Variants in NRG1 observed in about 807,000 individuals in gnomAD.
NRG1 encodes neuregulin 1.
In NRG1, 18 loss-of-function variants were observed where a neutral mutation model predicts 63.8. The observed-to-expected ratio is 0.28, with a 90% CI of 0.19 to 0.42. The LOEUF (loss-of-function observed/expected upper bound fraction) is 0.42, where lower values mean the gene tolerates loss of function less well. NRG1 is among the 10% of genes least tolerant of loss of function. The pLI, the probability that NRG1 is intolerant of heterozygous loss-of-function variation, is 1.00. For synonymous variants in NRG1, 302 were observed against 301.3 expected (o/e 1.00, Z -0.02); for missense variants, 762 against 814.7 (o/e 0.94, Z 0.79).
intron 1 of NRG1, among the ~76,000 whole-genome samples, chr8:31,721,661 C>G (rs1490087977): frequency 6.6e-6 from 1 of 152,128 alleles, no homozygotes; most frequent in African/African-American, 2.4e-5. Context: ...ACATTTGAAG[C>G]AAGCATTGAT....
intron 1 of NRG1, among the ~76,000 whole-genome samples, chr8:32,470,937 A>G (rs997708757): frequency 7.2e-5 from 11 of 152,112 alleles, no homozygotes; most frequent in African/African-American, 2.4e-4. Flanking sequence ...AGCTGGGACT[A>G]TAGGCGCATG....
At chr8:32,182,215 G>A (rs189632885) in intron 1 of NRG1, among the ~76,000 whole-genome samples, 55 of 152,150 alleles carry the variant, frequency 3.6e-4, no homozygotes, top group Admixed American at 1.9e-3. Flanking sequence ...AACACAGAGA[G>A]GAGTATGGAG....
chr8:32,751,303 C>A (rs1828680415), intron 7 of NRG1: 1 of 151,542 alleles, frequency 6.6e-6, no homozygotes, highest in African/African-American at 2.4e-5. Flanking sequence ...CCAGATCAGA[C>A]TGAAAAATGT....
intron 1 of NRG1, among the ~76,000 whole-genome samples, chr8:32,582,179 C>A (rs547135974): frequency 5.3e-5 from 8 of 151,766 alleles, no homozygotes; most frequent in Admixed American, 1.3e-4. Flanking sequence ...TTCACTGAAG[C>A]CTAAACCTCC....
chr8:32,386,664 A>G (rs924244370), intron 1 of NRG1, among the ~76,000 whole-genome samples: 3 of 152,232 alleles, frequency 2.0e-5, no homozygotes, highest in Non-Finnish European at 4.4e-5. Flanking sequence ...CATAAAATGT[A>G]TTCTCCCAGT....
rs367806554 is a variant in NRG1 at position 31,901,943 on chromosome 8, C to T, written c.37+262512C>T. On this transcript the variant is annotated intron_variant, in intron 1 of 10. Transcript: ENST00000519301. ...CTGTTCTGTTTCCCACTCCATGAAA[C>T]GGAACTTATTCCATTCAACTTCGTG... Among the ~76,000 whole-genome samples the T allele has an allele frequency of 5.3e-5, 8 of 152,094 alleles. No individual in the cohort carries two copies. The South Asian group carries it at 1.0e-3, about 20-fold the overall frequency.
At chr8:31,678,918 A>C (rs1391191398) in intron 1 of NRG1, among the ~76,000 whole-genome samples, 1 of 151,646 alleles carries the variant, frequency 6.6e-6, no homozygotes, top group East Asian at 1.9e-4. Flanking sequence ...TATTCACTGA[A>C]TATATTCACT....
chr8:32,018,959 A>T (rs1816010727), intron 1 of NRG1, among the ~76,000 whole-genome samples: 1 of 152,290 alleles, frequency 6.6e-6, no homozygotes, highest in African/African-American at 2.4e-5. Context: ...GTGGTTTTTA[A>T]TTTGCATATT....
chr8:32,649,826 C>A (rs11990428), intron 5 of NRG1, among the ~76,000 whole-genome samples: 1 of 152,188 alleles, frequency 6.6e-6, no homozygotes, highest in Admixed American at 6.5e-5. Context: ...ACAGACATCA[C>A]TGCCTTTGCT....
intron 1 of NRG1, among the ~76,000 whole-genome samples, chr8:32,228,644 A>G (rs1846585578): frequency 6.6e-6 from 1 of 152,184 alleles, no homozygotes; most frequent in South Asian, 2.1e-4. Flanking sequence ...CTCATTAGCA[A>G]CTGCTTATCA....
At chr8:32,283,162 T>C (rs1853085547) in intron 1 of NRG1, among the ~76,000 whole-genome samples, 1 of 152,238 alleles carries the variant, frequency 6.6e-6, no homozygotes, top group Non-Finnish European at 1.5e-5. Flanking sequence ...CAGGATTATC[T>C]TCTTGGTTAA....
At chr8:31,791,063 G>T (rs1820650902) in intron 1 of NRG1, among the ~76,000 whole-genome samples, 1 of 152,100 alleles carries the variant, frequency 6.6e-6, no homozygotes, top group East Asian at 1.9e-4. Context: ...AGAAAAATTA[G>T]CCAGGCATGG....
At chr8:32,481,016 A>C (rs566985164) in intron 1 of NRG1, among the ~76,000 whole-genome samples, 89 of 152,196 alleles carry the variant, frequency 5.8e-4, no homozygotes, top group Admixed American at 3.2e-3. Flanking sequence ...TACACATATA[A>C]ATTATTGTTT....
intron 1 of NRG1, among the ~76,000 whole-genome samples, chr8:32,198,070 G>C (rs927965523): frequency 1.4e-4 from 21 of 152,206 alleles, no homozygotes; most frequent in African/African-American, 4.3e-4. Context: ...GCAATGTTTT[G>C]GCTAGTTGAA....
At chr8:31,726,760 A>G (rs1336299014) in intron 1 of NRG1, among the ~76,000 whole-genome samples, 2 of 137,428 alleles carry the variant, frequency 1.5e-5, no homozygotes, top group Non-Finnish European at 3.1e-5. Context: ...CAGGCCCTGG[A>G]GAGTTGTCCT....
At chr8:31,917,235 T>C (rs1229294105) in intron 1 of NRG1, among the ~76,000 whole-genome samples, 4 of 121,886 alleles carry the variant, frequency 3.3e-5, no homozygotes, top group Non-Finnish European at 6.8e-5. Flanking sequence ...CAATTTTGGC[T>C]TTTGTTGACA....
intron 1 of NRG1, among the ~76,000 whole-genome samples, chr8:32,461,392 G>A (rs1040615716): frequency 1.3e-5 from 2 of 152,126 alleles, no homozygotes; most frequent in East Asian, 3.8e-4. Context: ...TTAGTGAGTT[G>A]TATTCAATAG....
chr8:32,074,759 G>A (rs2131073290), intron 1 of NRG1, among the ~76,000 whole-genome samples: 1 of 152,310 alleles, frequency 6.6e-6, no homozygotes, highest in East Asian at 1.9e-4. Flanking sequence ...AATGAATATT[G>A]TAGATTTCTT....
At position 32,712,258 on chromosome 8, in the gene NRG1, C is replaced by T. The variant is rs556437559; in HGVS notation, c.503-15691C>T. Among the ~76,000 whole-genome samples the T allele has an allele frequency of 6.2e-4, 94 of 152,258 alleles. 2 individuals carry two copies. Among genetic ancestry groups the T allele is most frequent in the African/African-American group, 2.3e-3 (94 of 41,562 alleles). ...GATAATCCAGTTAAATTTGTTATGC[C>T]TTTCCTTACTTTCAAAGTTAATTTC... On this transcript the variant is annotated intron_variant, in intron 5 of 11. Coordinates refer to ENST00000356819, the Ensembl canonical transcript of NRG1.
Sources: allele counts gnomAD v4.1 joint callset (sites outside exome capture counted in the v4.1 genomes callset), GRCh38; gene constraint gnomAD v4.1.1; transcripts MANE v1.5; gene names NCBI Gene and HGNC (gene_info 2026-07-23, HGNC 2026-07-21).